The following CENPE variants were observed in gnomAD, a reference collection of about 807,000 sequenced individuals.
The protein encoded by CENPE is centromere protein E, also known as centromere-associated protein E.
In CENPE, 145 loss-of-function variants were observed where a neutral mutation model predicts 336.1. The ratio of observed to expected loss-of-function variants is 0.43; its 90% CI spans 0.38 to 0.50. The LOEUF (loss-of-function observed/expected upper bound fraction) is 0.50, where lower values mean the gene tolerates loss of function less well. CENPE is among the 20% of genes least tolerant of loss of function. CENPE has a pLI of 0.00. For synonymous variants in CENPE, 1,013 were observed against 984.8 expected (o/e 1.03, Z -0.54); for missense variants, 2,719 against 3,023.3 (o/e 0.90, Z 2.36).
intron 46 of CENPE, among the ~76,000 whole-genome samples, chr4:103,114,173 C>A (rs958813919): frequency 8.5e-5 from 13 of 152,078 alleles, no homozygotes; most frequent in African/African-American, 2.9e-4. Flanking sequence ...TAAGTCATTC[C>A]TTTATTGCCT....
intron 16 of CENPE, 117 bp downstream of exon 16, chr4:103,174,619 C>T (rs767905217): frequency 6.0e-6 from 4 of 664,496 alleles, no homozygotes; most frequent in Middle Eastern, 4.4e-4. Context: ...ACAATAAACA[C>T]ATAAAATGTT....
intron 16 of CENPE, among the ~76,000 whole-genome samples, chr4:103,165,738 C>T (rs1754851584): frequency 1.3e-5 from 2 of 151,966 alleles, no homozygotes; most frequent in Non-Finnish European, 1.5e-5. Context: ...AATCCTAGCA[C>T]TTTGGGAGGC....
In CENPE at chr4:103,144,400, C is replaced by G. The variant is rs762472387; in HGVS notation, c.5076G>C (p.Arg1692Ser). The G allele has an allele frequency of 1.2e-6, 2 of 1,614,008 alleles. No individual in the cohort carries two copies. The highest frequency in any genetic ancestry group is 1.1e-5 in the South Asian group (1 of 91,076). Residue 1692 changes from arginine to serine, a missense_variant, in exon 33 of 49, where the codon AGG (arginine) becomes AGC (serine). Arg to Ser is a moderately radical substitution (Grantham distance 110, BLOSUM62 -1). Around this residue, in one of 5 missense-constraint regions of CENPE, gnomAD observed 2,437 missense variants for 2,513.3 expected, o/e 0.97. Transcript: ENST00000265148. Reference protein sequence around the residue: ...RSVTKERDDLRSVEETLKVER... With the variant: ...RSVTKERDDLSSVEETLKVER... ...CTACTTTGAGAGTCTCCTCCACACT[C>G]CTAAGGTCATCTCTTTCTTTTGTTA...
At chr4:103,170,757 G>C (rs1301112853) in intron 16 of CENPE, among the ~76,000 whole-genome samples, 3 of 152,124 alleles carry the variant, frequency 2.0e-5, no homozygotes, top group African/African-American at 7.2e-5. Context: ...TGGTTGAATG[G>C]ATTAAAAAAT....
intron 1 of CENPE, among the ~76,000 whole-genome samples, chr4:103,197,202 T>G (rs1757807713): frequency 6.6e-6 from 1 of 152,212 alleles, no homozygotes; most frequent in Admixed American, 6.5e-5. Flanking sequence ...TCATGTCATT[T>G]CTCTCTTCCA....
chr4:103,157,137 G>C (rs1016440277), intron 24 of CENPE, among the ~76,000 whole-genome samples: 1 of 151,278 alleles, frequency 6.6e-6, no homozygotes, highest in Non-Finnish European at 1.5e-5. Flanking sequence ...TGTCCTGTTG[G>C]TGGGAAGTAA....
chr4:103,177,041 T>C lies in CENPE; in HGVS notation c.1248A>G (p.Lys416=). The C allele has an allele frequency of 6.2e-7, 1 of 1,604,860 alleles. No individual in the cohort carries two copies. The highest frequency in any genetic ancestry group is 8.5e-7 in the Non-Finnish European group (1 of 1,177,262). Residue 416 remains lysine (K), a synonymous_variant, in exon 14 of 49, where the codon AAA becomes AAG. Coordinates refer to ENST00000265148, the MANE Select transcript of CENPE (RefSeq NM_001813.3). ...GGCACCAAGTAACTCTTCGTTTTCT[T>C]TTAGCCTAAAGAAGAAGAAATCAAA... is the stretch of plus-strand genomic sequence containing the variant. The part of the protein sequence containing the change: ...SLTLQQELKA[K]RKRRVTWCLG...
chr4:103,192,592 G>A (rs756946749), intron 8 of CENPE, among the ~76,000 whole-genome samples: 3 of 152,192 alleles, frequency 2.0e-5, no homozygotes, highest in African/African-American at 7.2e-5. Context: ...GGTAGGATCA[G>A]TAAGAAATGG....
In CENPE at chr4:103,147,608, A is replaced by T. The variant is rs1753167759; in HGVS notation, c.3882T>A (p.Asn1294Lys). The T allele has an allele frequency of 6.2e-7, 1 of 1,613,260 alleles. No homozygotes were observed. ...VLHEEQELLPNVKEVSETQET... is the reference protein window; with the variant it reads ...VLHEEQELLPKVKEVSETQET... Reference sequence around the variant, plus strand: ...CCTGAGTCTCACTGACTTCTTTCACATTAGGCAGTAACTCTTGTTCCTCAT... The same window carrying T: ...CCTGAGTCTCACTGACTTCTTTCACTTTAGGCAGTAACTCTTGTTCCTCAT... The change falls in exon 29 of 49, where the codon AAT becomes AAA. Residue 1294 changes from asparagine (N) to lysine (K), a missense_variant. Asn to Lys is a moderately conservative substitution (Grantham distance 94, BLOSUM62 0). This residue lies in a region of CENPE where 2,437 missense variants were observed against 2,513.3 expected (regional missense o/e 0.97). Coordinates refer to ENST00000265148, the MANE Select transcript of CENPE (RefSeq NM_001813.3).
chr4:103,183,086 GT>G, intron 10 of CENPE, 114 bp downstream of exon 10: 1 of 914,430 alleles, frequency 1.1e-6, no homozygotes, highest in Non-Finnish European at 1.6e-6. Flanking sequence ...ATATGTATAA[GT>G]TTTTGAATAT....
At chr4:103,183,139 A>C in intron 10 of CENPE, 62 bp downstream of exon 10, 1 of 1,250,736 alleles carries the variant, frequency 8.0e-7, no homozygotes. Flanking sequence ...GAAATGTTGC[A>C]ATGTTCAACC....
intron 16 of CENPE, among the ~76,000 whole-genome samples, chr4:103,165,158 G>A (rs1003294767): frequency 6.6e-6 from 1 of 152,090 alleles, no homozygotes; most frequent in African/African-American, 2.4e-5. Flanking sequence ...GAAAGTGTGT[G>A]AAAAGGAAAA....
At chr4:103,158,560 G>A in intron 23 of CENPE, 54 bp downstream of exon 23, 1 of 1,533,008 alleles carries the variant, frequency 6.5e-7, no homozygotes, top group Non-Finnish European at 8.8e-7. Flanking sequence ...GATGGCCTCT[G>A]CAATGTTTTT....
chr4:103,136,689 G>C (rs903972583), intron 39 of CENPE, among the ~76,000 whole-genome samples: 3 of 152,156 alleles, frequency 2.0e-5, no homozygotes, highest in Non-Finnish European at 4.4e-5. Context: ...TGAGAAATTT[G>C]AGTAAATTCA....
chr4:103,143,155 G>T, intron 34 of CENPE, 93 bp downstream of exon 34: 2 of 812,754 alleles, frequency 2.5e-6, no homozygotes, highest in Non-Finnish European at 3.8e-6. Flanking sequence ...GTCTTCACTT[G>T]CCTTCAATTT....
chr4:103,116,445 CATTTTTAAAAAAAGAGCTGTAACAAT>C (rs1750119228), intron 45 of CENPE, 106 bp downstream of exon 45: 4 of 506,454 alleles, frequency 7.9e-6, no homozygotes, highest in Non-Finnish European at 1.4e-5. Flanking sequence ...TGGATGTGTA[CATTTTTAAAAAAAGAGCTGTAACAAT>C]ATTTTCATAA....
At chr4:103,186,729 A>G in intron 8 of CENPE, among the ~76,000 whole-genome samples, 1 of 152,240 alleles carries the variant, frequency 6.6e-6, no homozygotes, top group South Asian at 2.1e-4. Flanking sequence ...TGATAAGTGT[A>G]ACAGAGATTA....
Position 103,140,757 on chromosome 4 carries a change from G to C in CENPE, c.5754+57C>G, listed in dbSNP as rs575070350. ...CAGACACAACGCTGCAGTGAACACTGTATTTTTGCCCAAATATGTGAATAT... is the reference window on the plus strand; with the variant it reads ...CAGACACAACGCTGCAGTGAACACTCTATTTTTGCCCAAATATGTGAATAT... On this transcript the variant is annotated intron_variant, in intron 36 of 48. Transcript: ENST00000265148. 37 of 1,436,784 alleles carry C rather than the reference G, an allele frequency of 2.6e-5. No homozygotes were observed. The African/African-American group carries it at 4.7e-4, about 18-fold the overall frequency. The allele number at this position is 1,436,784 out of a possible 1,614,324, so 89.0% of individuals were successfully genotyped here.
rs367765215 is a variant in CENPE at position 103,118,663 on chromosome 4, T to C, written c.7329+1485A>G. The stretch of plus-strand genomic sequence containing the variant: ...CTTCTTGGAGTTTTCTAGTTTTGCA[T>C]TTTACATGTATGCCTATGATCTATT... On this transcript the variant is annotated intron_variant, in intron 44 of 48. Transcript: ENST00000265148. 4.6e-5 allele frequency among the ~76,000 whole-genome samples: 7 copies of C among 152,244 alleles called. No homozygotes were observed. In the South Asian group the frequency reaches 8.3e-4, roughly 18 times the overall value.
Sources: gnomAD v4.1 joint callset for allele counts (sites outside exome capture counted in the v4.1 genomes callset) on GRCh38, gnomAD v4.1.1 for gene constraint, gnomAD v4.1.1 regional missense constraint, MANE v1.5 for transcripts, NCBI Gene and HGNC (gene_info 2026-07-23, HGNC 2026-07-21) for gene names.